H2AJ: variants seen among roughly 807,000 people sequenced by gnomAD.
The protein encoded by H2AJ is H2A.J histone.
H2AJ carries 3 observed loss-of-function variants against 7.9 expected under a neutral mutation model. The observed-to-expected ratio is 0.38, with a 90% CI of 0.17 to 0.98. H2AJ has a LOEUF of 0.98. H2AJ is among the 50% of genes least tolerant of loss of function. H2AJ has a pLI of 0.39. For synonymous variants in H2AJ, 98 were observed against 85.7 expected, an observed-to-expected ratio of 1.14 and a Z score of -0.79; for missense variants, 128 against 174.4, an observed-to-expected ratio of 0.73 and a Z score of 1.50.
chr12:14,775,003 C>A lies in H2AJ; in HGVS notation c.*143C>A. On this transcript the variant is annotated 3_prime_UTR_variant, in exon 1 of 1. Coordinates refer to ENST00000544848, the MANE Select transcript of H2AJ (RefSeq NM_177925.5). ...TGGGCGGCGAGGGTCCCGGCGGGAG[C>A]CAATAAAGTTGGTGAAAATCGTTTG... The A allele has an allele frequency of 2.1e-6, 2 of 953,432 alleles. No homozygotes were observed. The highest frequency in any genetic ancestry group is 3.1e-6 in the Non-Finnish European group (2 of 642,500). 59.1% of individuals were successfully genotyped at this position (953,432 alleles called of 1,614,324 possible).
At chr12:14,775,195 C>A, downstream of H2AJ, 1 of 484,582 alleles carries the variant, frequency 2.1e-6, no homozygotes, top group Non-Finnish European at 4.2e-6. Flanking sequence ...TGGAGGTGGG[C>A]AGGGTGGAAG....
chr12:14,775,006 A>T lies in H2AJ; in HGVS notation c.*146A>T, dbSNP rs1479676333. Reference sequence around the variant, plus strand: ...GCGGCGAGGGTCCCGGCGGGAGCCAATAAAGTTGGTGAAAATCGTTTGGTC... The same window carrying T: ...GCGGCGAGGGTCCCGGCGGGAGCCATTAAAGTTGGTGAAAATCGTTTGGTC... On this transcript the variant is annotated 3_prime_UTR_variant, in exon 1 of 1. Coordinates refer to ENST00000544848, the MANE Select transcript of H2AJ (RefSeq NM_177925.5). The T allele has an allele frequency of 3.2e-6, 3 of 934,332 alleles. No individual in the cohort carries two copies. The highest frequency in any genetic ancestry group is 4.8e-6 in the Non-Finnish European group (3 of 625,414). 57.9% of individuals were successfully genotyped at this position (934,332 alleles called of 1,614,324 possible). A position where few individuals can be genotyped will look rare whatever the true frequency, so the allele number is the denominator to read the frequency against.
downstream of H2AJ, chr12:14,775,219 A>T (rs1021118976): frequency 3.3e-5 from 16 of 484,332 alleles, no homozygotes; most frequent in Non-Finnish European, 6.3e-5. Flanking sequence ...CCTCGCTGTC[A>T]GTAGGGCAAA....
chr12:14,775,324 A>G (rs1289495957), downstream of H2AJ: 2 of 471,514 alleles, frequency 4.2e-6, no homozygotes, highest in Admixed American at 4.7e-5. Flanking sequence ...GTGAGCACTC[A>G]GGACCAAGTT....
rs1180634413 is a variant in H2AJ at position 14,774,815 on chromosome 12, G to A, written c.345G>A (p.Val115=). The A allele has an allele frequency of 1.9e-6, 3 of 1,614,242 alleles. No individual in the cohort carries two copies. Among genetic ancestry groups the A allele is most frequent in the Non-Finnish European group, 2.5e-6 (3 of 1,180,040 alleles). ...GCGTCCTGCCCAACATCCAGGCCGT[G>A]CTGCTGCCCAAGAAGACGGAGAGTC... The part of the protein sequence containing the change: ...QGGVLPNIQA[V]LLPKKTESQK... The change falls in exon 1 of 1, where the codon GTG becomes GTA. Residue 115 remains valine (V), a synonymous_variant. Coordinates refer to ENST00000544848, the MANE Select transcript of H2AJ (RefSeq NM_177925.5).
rs1416478374 is a variant in H2AJ at position 14,774,564 on chromosome 12, C to G, written c.94C>G (p.His32Asp). Residue 32 changes from histidine to aspartate, a missense_variant, in exon 1 of 1, where the codon CAC becomes GAC. By Grantham distance (81) the His-to-Asp change is moderately conservative. Transcript: ENST00000544848. ...CCTGCAGTTCCCGGTGGGCCGAGTG[C>G]ACAGACTGCTGCGCAAAGGGAACTA... ...AGLQFPVGRV[H>D]RLLRKGNYAE... 1 of 1,613,776 alleles carries G rather than the reference C, an allele frequency of 6.2e-7. No individual in the cohort carries two copies. Among genetic ancestry groups the G allele is most frequent in the East Asian group, 2.2e-5 (1 of 44,862 alleles).
chr12:14,775,728 A>T (rs1207000356), downstream of H2AJ: 2 of 240,352 alleles, frequency 8.3e-6, no homozygotes, highest in Admixed American at 1.1e-4. Flanking sequence ...TCACTTTGAG[A>T]ATCGGTTTGA....
chr12:14,776,381 C>G (rs1284066626), downstream of H2AJ: 1 of 167,066 alleles, frequency 6.0e-6, no homozygotes, highest in Non-Finnish European at 1.5e-5. Context: ...TATGAGAGAT[C>G]AGCTTCTGTT....
downstream of H2AJ, chr12:14,775,985 C>T (rs1025037394): frequency 1.2e-5 from 2 of 167,238 alleles, no homozygotes; most frequent in Non-Finnish European, 2.9e-5. Context: ...GAAAAGTTAA[C>T]ACTAGTAATC....
downstream of H2AJ, chr12:14,775,485 G>C: frequency 2.1e-6 from 1 of 468,046 alleles, no homozygotes; most frequent in South Asian, 1.6e-5. Flanking sequence ...TAGCTGCTGT[G>C]CTTTCATGCT....
At position 14,774,957 on chromosome 12, in the gene H2AJ, C is replaced by T; in HGVS notation, c.*97C>T. The T allele has an allele frequency of 5.1e-6, 7 of 1,383,830 alleles. No individual in the cohort carries two copies. The highest frequency in any genetic ancestry group is 6.9e-6 in the Non-Finnish European group (7 of 1,016,096). 85.7% of individuals were successfully genotyped at this position (1,383,830 alleles called of 1,614,324 possible). On this transcript the variant is annotated 3_prime_UTR_variant, in exon 1 of 1. Transcript: ENST00000544848. ...GAATGTGCTGGATGTCATGGAGGGC[C>T]GGTGACATCTAGCGGGGAGGTGGGC...
rs1407075466 is a variant in H2AJ at position 14,774,743 on chromosome 12, C to T, written c.273C>T (p.Asp91=). ...PRHLQLAIRN[D]EELNKLLGKV... Reference sequence around the variant, plus strand: ...ACCTGCAGCTCGCCATCCGCAACGACGAGGAGTTAAACAAGCTGCTGGGCA... The same window carrying T: ...ACCTGCAGCTCGCCATCCGCAACGATGAGGAGTTAAACAAGCTGCTGGGCA... The change falls in exon 1 of 1, where the codon GAC becomes GAT. Residue 91 remains aspartate, a synonymous_variant. Coordinates refer to ENST00000544848, the MANE Select transcript of H2AJ (RefSeq NM_177925.5). 1.2e-6 allele frequency: 2 copies of T among 1,614,212 alleles called. No individual in the cohort carries two copies. The highest frequency in any genetic ancestry group is 2.2e-5 in the South Asian group (2 of 91,084).
chr12:14,776,443 C>T (rs1162584664), downstream of H2AJ: 1 of 167,150 alleles, frequency 6.0e-6, no homozygotes, highest in Non-Finnish European at 1.5e-5. Context: ...TTACTTCTCC[C>T]ATGTTGCCAT....
chr12:14,774,915 C>A lies in H2AJ; in HGVS notation c.*55C>A. ...CCCCAGCAAAGGCCCTTTTCATGGT[C>A]GTCCCGCAATGCTTTTGAATGTGCT... On this transcript the variant is annotated 3_prime_UTR_variant, in exon 1 of 1. Transcript: ENST00000544848. 7 of 1,570,076 alleles carry A rather than the reference C, an allele frequency of 4.5e-6. No individual in the cohort carries two copies. Among genetic ancestry groups the A allele is most frequent in the South Asian group, 1.2e-5 (1 of 85,258 alleles).
downstream of H2AJ, chr12:14,776,169 A>G (rs1468042781): frequency 6.0e-6 from 1 of 167,090 alleles, no homozygotes; most frequent in Non-Finnish European, 1.5e-5. Context: ...GTATGTCTTC[A>G]TCCTTGGTAG....
At chr12:14,775,536 A>ATT, downstream of H2AJ, 9 of 323,424 alleles carry the variant, frequency 2.8e-5, no homozygotes, top group Non-Finnish European at 4.5e-5. Context: ...TTATGTTCAT[A>ATT]TTTTTTTTTT....
At chr12:14,776,736 C>T (rs1261761908), downstream of H2AJ, 1 of 167,064 alleles carries the variant, frequency 6.0e-6, no homozygotes, top group Non-Finnish European at 1.5e-5. Context: ...AGAACTACTA[C>T]TCACAGTTAC....
At chr12:14,775,367 G>C (rs1203302834), downstream of H2AJ, 1 of 471,370 alleles carries the variant, frequency 2.1e-6, no homozygotes, top group Non-Finnish European at 4.4e-6. Context: ...AGCTGAGCTC[G>C]GGGCAGGAAG....
At chr12:14,775,490 C>T (rs1949626892), downstream of H2AJ, 21 of 467,478 alleles carry the variant, frequency 4.5e-5, no homozygotes, top group South Asian at 3.3e-4. Flanking sequence ...GCTGTGCTTT[C>T]ATGCTTTGGA....
Sources: gnomAD v4.1 joint callset for allele counts on GRCh38, gnomAD v4.1.1 for gene constraint, MANE v1.5 for transcripts, NCBI Gene and HGNC (gene_info 2026-07-23, HGNC 2026-07-21) for gene names.